CYRIB: variants seen among roughly 807,000 people sequenced by gnomAD.
CYRIB encodes the protein CYFIP related Rac1 interactor B, also known as CYFIP-related Rac1 interactor B.
A neutral mutation model predicts 44.2 loss-of-function variants in CYRIB; 8 were observed. The ratio of observed to expected loss-of-function variants is 0.18; its 90% CI spans 0.11 to 0.33. The LOEUF (loss-of-function observed/expected upper bound fraction) is 0.33. Among genes scored for constraint, CYRIB ranks in the 10% least tolerant of loss-of-function variants. The pLI, the probability that CYRIB is intolerant of heterozygous loss-of-function variation, is 1.00. For synonymous variants in CYRIB, 131 were observed against 127.2 expected, an observed-to-expected ratio of 1.03 and a Z score of -0.20; for missense variants, 185 against 382.8, an observed-to-expected ratio of 0.48 and a Z score of 4.31.
At chr8:129,963,158 C>A (rs75004191) in intron 2 of CYRIB, among the ~76,000 whole-genome samples, 2,290 of 152,272 alleles carry the variant, frequency 0.015, 22 homozygotes, top group Middle Eastern at 0.044. Flanking sequence ...CCACAATCCA[C>A]AAGAAAAGGG....
rs187366719 is a variant in CYRIB, at chr8:129,884,898, C to T, written c.-10-5427G>A. On this transcript the variant is annotated intron_variant, in intron 2 of 11. Transcript: ENST00000519824. ...CCCTTACATTAGACATTTGTTTCCA[C>T]GTTGACAACTTATCTGGAAAGGAAC... Among the ~76,000 whole-genome samples, 299 of 152,274 alleles carry T rather than the reference C, an allele frequency of 2.0e-3. 2 individuals carry two copies. Among genetic ancestry groups the T allele is most frequent in the Admixed American group, 0.017 (267 of 15,292 alleles).
At chr8:129,987,675 T>C (rs1479617004) in intron 1 of CYRIB, among the ~76,000 whole-genome samples, 2 of 151,584 alleles carry the variant, frequency 1.3e-5, no homozygotes, top group Non-Finnish European at 2.9e-5. Flanking sequence ...GTTCAAGCGA[T>C]TCTCCTGCCT....
At chr8:129,855,305 C>T (rs1001809011) in intron 6 of CYRIB, among the ~76,000 whole-genome samples, 5 of 151,202 alleles carry the variant, frequency 3.3e-5, no homozygotes, top group African/African-American at 1.2e-4. Flanking sequence ...GTGGGAGAAT[C>T]ACTTGAGCCC....
chr8:129,924,693 A>G (rs1454516317), intron 1 of CYRIB, among the ~76,000 whole-genome samples: 1 of 152,120 alleles, frequency 6.6e-6, no homozygotes, highest in Non-Finnish European at 1.5e-5. Flanking sequence ...CCAGCTGGGC[A>G]TAGTGGCTCC....
chr8:129,989,375 C>G (rs1196411594), intron 1 of CYRIB, among the ~76,000 whole-genome samples: 2 of 152,308 alleles, frequency 1.3e-5, no homozygotes, highest in East Asian at 1.9e-4. Context: ...CAAAGCGGAC[C>G]GAGGCTGTTC....
At chr8:129,914,052 G>A (rs879686283) in intron 1 of CYRIB, among the ~76,000 whole-genome samples, 2 of 152,080 alleles carry the variant, frequency 1.3e-5, no homozygotes, top group Admixed American at 1.3e-4. Context: ...TGAGTCACTA[G>A]TCACTGCATA....
intron 2 of CYRIB, among the ~76,000 whole-genome samples, chr8:129,889,758 A>G (rs2064323151): frequency 6.6e-6 from 1 of 151,650 alleles, no homozygotes; most frequent in Non-Finnish European, 1.5e-5. Context: ...GTGGATGAGG[A>G]GTTGCTTCTT....
At chr8:129,888,758 T>C (rs923034262) in intron 2 of CYRIB, among the ~76,000 whole-genome samples, 1 of 152,162 alleles carries the variant, frequency 6.6e-6, no homozygotes, top group African/African-American at 2.4e-5. Context: ...GCCTGGGATG[T>C]AGTTGGTATT....
At chr8:129,871,461 T>C in exon 4 of CYRIB, 1 of 1,611,058 alleles carries the variant, frequency 6.2e-7, no homozygotes, top group Non-Finnish European at 8.5e-7. Flanking sequence ...TTCACCTGAT[T>C]ATAAATTTCC....
chr8:129,845,177 A>G (rs2039120237), intron 11 of CYRIB, among the ~76,000 whole-genome samples: 3 of 152,186 alleles, frequency 2.0e-5, no homozygotes, highest in South Asian at 4.1e-4. Flanking sequence ...ACTACCCTTA[A>G]AGTGAAACGT....
At chr8:129,997,080 G>GGGAA (rs1438084976) in intron 1 of CYRIB, among the ~76,000 whole-genome samples, 59 of 104,274 alleles carry the variant, frequency 5.7e-4, no homozygotes, top group African/African-American at 2.8e-3. Context: ...GAGGGAGGGA[G>GGGAA]GGAGGGAAGG....
At position 129,961,312 on chromosome 8, in the gene CYRIB, T is replaced by C. The variant is rs531848820; in HGVS notation, c.-243+9631A>G. Among the ~76,000 whole-genome samples, 24 of 152,284 alleles carry C rather than the reference T, an allele frequency of 1.6e-4. No homozygotes were observed. The South Asian group carries it at 3.5e-3, about 22-fold the overall frequency. On this transcript the variant is annotated intron_variant, in intron 2 of 14. Coordinates refer to the CYRIB transcript ENST00000401979. ...GGGTTCAGAAACGGGAGTCATCATA[T>C]GGACAGAGTGGTGGGACACAGCCCA...
intron 1 of CYRIB, among the ~76,000 whole-genome samples, chr8:130,008,753 C>G (rs78531469): frequency 0.012 from 1,791 of 152,358 alleles, 38 homozygotes; most frequent in African/African-American, 0.041. Context: ...TCTGTCTACA[C>G]ACTGGTTGGT....
rs562517709 is a variant in CYRIB at position 129,951,536 on chromosome 8, T to C, written c.-243+19407A>G. ...CCTGGACAGCATGGTGAAACCCCGTTTCTACTAAAAATACAAAAAATTAGC... is the reference window on the plus strand; with the variant it reads ...CCTGGACAGCATGGTGAAACCCCGTCTCTACTAAAAATACAAAAAATTAGC... On this transcript the variant is annotated intron_variant, in intron 2 of 14. Coordinates refer to the CYRIB transcript ENST00000401979. Among the ~76,000 whole-genome samples, 71 of 151,536 alleles carry C rather than the reference T, an allele frequency of 4.7e-4. No homozygotes were observed. In the South Asian group the frequency reaches 0.01, roughly 22 times the overall value.
chr8:129,866,276 T>A (rs1432072416), intron 4 of CYRIB, among the ~76,000 whole-genome samples: 1 of 152,234 alleles, frequency 6.6e-6, no homozygotes, highest in Non-Finnish European at 1.5e-5. Flanking sequence ...ACGAGGCTAC[T>A]GTCTACCAGG....
intron 1 of CYRIB, chr8:129,939,523 C>G (rs1253036698): frequency 6.6e-6 from 1 of 152,060 alleles, no homozygotes; most frequent in African/African-American, 2.4e-5. Context: ...CCGCCGCACC[C>G]GCCTCTTCGC....
intron 1 of CYRIB, among the ~76,000 whole-genome samples, chr8:129,933,558 T>C (rs1048518026): frequency 4.6e-5 from 7 of 152,168 alleles, no homozygotes; most frequent in Admixed American, 6.5e-5. Context: ...GTGCTTATTG[T>C]TGCCTCTACA....
At chr8:129,878,562 A>C (rs556639884) in intron 3 of CYRIB, among the ~76,000 whole-genome samples, 5 of 152,216 alleles carry the variant, frequency 3.3e-5, no homozygotes, top group Non-Finnish European at 7.3e-5. Context: ...CCCTTTCCTA[A>C]CAATTTTCTA....
intron 4 of CYRIB, among the ~76,000 whole-genome samples, chr8:129,869,084 A>G (rs2055585324): frequency 6.6e-6 from 1 of 150,664 alleles, no homozygotes; most frequent in Non-Finnish European, 1.5e-5. Context: ...AGAAAAAAAA[A>G]TAAAGAAGAA....
Sources: gnomAD v4.1 joint callset for allele counts (sites outside exome capture counted in the v4.1 genomes callset) on GRCh38, gnomAD v4.1.1 for gene constraint, MANE v1.5 for transcripts, NCBI Gene and HGNC (gene_info 2026-07-23, HGNC 2026-07-21) for gene names.